The following PCDH15 variants were observed in gnomAD, a reference collection of about 807,000 sequenced individuals.
PCDH15 encodes protocadherin related 15.
A neutral mutation model predicts 178.5 loss-of-function variants in PCDH15; 129 were observed. The observed-to-expected ratio is 0.72, with a 90% CI of 0.63 to 0.84. The LOEUF is 0.84. PCDH15 is among the 40% of genes least tolerant of loss of function. PCDH15 has a pLI of 0.00. For synonymous variants in PCDH15, 800 were observed against 732.0 expected, an observed-to-expected ratio of 1.09 and a Z score of -1.50; for missense variants, 2,230 against 2,099.9, an observed-to-expected ratio of 1.06 and a Z score of -1.21.
intron 8 of PCDH15, among the ~76,000 whole-genome samples, chr10:54,288,975 T>C (rs973583795): frequency 5.3e-5 from 8 of 152,226 alleles, no homozygotes; most frequent in Non-Finnish European, 1.0e-4. Context: ...TTCTGCAGAC[T>C]TAAAAATCCC....
intron 1 of PCDH15, among the ~76,000 whole-genome samples, chr10:55,227,505 G>T (rs984424062): frequency 1.3e-5 from 2 of 148,552 alleles, no homozygotes; most frequent in African/African-American, 5.0e-5. Context: ...AGCAGGCTTA[G>T]AGGGTAGTCA....
intron 2 of PCDH15, among the ~76,000 whole-genome samples, chr10:55,442,474 ATATATAT>A (rs1839214926): frequency 9.9e-6 from 1 of 100,552 alleles, no homozygotes; most frequent in African/African-American, 5.0e-5. Flanking sequence ...TATATATTAT[ATATATAT>A]TATATATATA....
intron 2 of PCDH15, among the ~76,000 whole-genome samples, chr10:55,339,619 T>G (rs2131951888): frequency 6.6e-6 from 1 of 152,148 alleles, no homozygotes; most frequent in East Asian, 1.9e-4. Flanking sequence ...AAAATAACAT[T>G]GAGAAATTAG....
At chr10:54,831,864 C>T (rs1225149791) in intron 3 of PCDH15, among the ~76,000 whole-genome samples, 1 of 152,002 alleles carries the variant, frequency 6.6e-6, no homozygotes, top group African/African-American at 2.4e-5. Flanking sequence ...AAAGACTTTA[C>T]TAAACAGCCT....
intron 3 of PCDH15, among the ~76,000 whole-genome samples, chr10:54,482,598 A>C (rs1589642818): frequency 6.6e-6 from 1 of 151,890 alleles, no homozygotes; most frequent in South Asian, 2.1e-4. Flanking sequence ...GTTCAGGAAA[A>C]GAAGGTACCA....
chr10:55,217,753 A>G (rs1316621632), intron 1 of PCDH15, among the ~76,000 whole-genome samples: 1 of 151,978 alleles, frequency 6.6e-6, no homozygotes, highest in Non-Finnish European at 1.5e-5. Context: ...TAGCCATCAC[A>G]TAAAACACTG....
chr10:55,408,814 AC>A (rs1188208918), intron 2 of PCDH15, among the ~76,000 whole-genome samples: 3 of 151,992 alleles, frequency 2.0e-5, no homozygotes, highest in African/African-American at 7.2e-5. Context: ...CTATCACTTC[AC>A]TAAAGCTCAT....
intron 2 of PCDH15, among the ~76,000 whole-genome samples, chr10:54,556,496 G>C (rs1397046717): frequency 6.6e-6 from 1 of 151,476 alleles, no homozygotes; most frequent in Non-Finnish European, 1.5e-5. Context: ...TGTGTTCAAA[G>C]AAAAATTAGA....
intron 1 of PCDH15, among the ~76,000 whole-genome samples, chr10:54,754,383 T>A (rs1350504507): frequency 3.9e-5 from 6 of 152,144 alleles, no homozygotes; most frequent in Non-Finnish European, 7.4e-5. Flanking sequence ...GATTGAAAGC[T>A]ACATAAAAAA....
At chr10:54,395,207 T>A (rs1951049877) in intron 3 of PCDH15, among the ~76,000 whole-genome samples, 1 of 152,224 alleles carries the variant, frequency 6.6e-6, no homozygotes, top group Admixed American at 6.5e-5. Context: ...TTACAATTTA[T>A]GTTTAGAGAC....
At chr10:55,547,473 G>C (rs1841909524) in intron 2 of PCDH15, among the ~76,000 whole-genome samples, 1 of 152,108 alleles carries the variant, frequency 6.6e-6, no homozygotes, top group Non-Finnish European at 1.5e-5. Flanking sequence ...AGAGGGAAAA[G>C]CTTTGGCAGC....
chr10:55,187,955 C>G (rs1393442729), intron 1 of PCDH15, among the ~76,000 whole-genome samples: 1 of 151,832 alleles, frequency 6.6e-6, no homozygotes, highest in African/African-American at 2.4e-5. Context: ...CAGTCAAGAG[C>G]AGAAGCAGAA....
chr10:55,345,363 T>G (rs1054389952), intron 2 of PCDH15, among the ~76,000 whole-genome samples: 1 of 152,040 alleles, frequency 6.6e-6, no homozygotes, highest in African/African-American at 2.4e-5. Context: ...TGTTTGAGGA[T>G]GCTATATATC....
intron 9 of PCDH15, among the ~76,000 whole-genome samples, chr10:54,225,167 C>A (rs1243574375): frequency 6.6e-6 from 1 of 152,050 alleles, no homozygotes; most frequent in Non-Finnish European, 1.5e-5. Flanking sequence ...AGACCGAGTT[C>A]TTGTCCCAGA....
intron 2 of PCDH15, among the ~76,000 whole-genome samples, chr10:54,629,160 C>T (rs1291746914): frequency 6.6e-6 from 1 of 151,796 alleles, no homozygotes; most frequent in Non-Finnish European, 1.5e-5. Flanking sequence ...AATTTGAGTG[C>T]AAAACTATTA....
chr10:54,365,605 T>C (rs1004230938), intron 5 of PCDH15, among the ~76,000 whole-genome samples: 9 of 152,066 alleles, frequency 5.9e-5, no homozygotes, highest in Non-Finnish European at 1.3e-4. Flanking sequence ...AAAATAAATT[T>C]TGGGGGGTGA....
chr10:54,762,737 TA>T (rs1948047856), intron 1 of PCDH15, among the ~76,000 whole-genome samples: 1 of 152,146 alleles, frequency 6.6e-6, no homozygotes, highest in South Asian at 2.1e-4. Flanking sequence ...ATTGAACATT[TA>T]TGAAATGCTT....
At chr10:53,807,279 A>AACAT (rs1451770329) in intron 37 of PCDH15, 149 bp from the exon 38 acceptor site, 11 of 630,584 alleles carry the variant, frequency 1.7e-5, no homozygotes, top group Admixed American at 1.6e-4. Context: ...AGTCTTTATT[A>AACAT]ACATACATTT....
Position 54,392,400 on chromosome 10 carries a change from A to G in PCDH15, c.158-13458T>C, listed in dbSNP as rs113841493. On this transcript the variant is annotated intron_variant, in intron 3 of 37. Transcript: ENST00000644397. ...AAAATCACTTGAACCCAGGAGGACT[A>G]TGTTGCAGTCAGGCTAGATTGTGCC... Among the ~76,000 whole-genome samples the G allele has an allele frequency of 7.6e-3, 955 of 124,842 alleles. 10 individuals carry two copies. The highest frequency in any genetic ancestry group is 0.026 in the African/African-American group (899 of 34,258). 81.9% of individuals were successfully genotyped at this position (124,842 alleles called of 152,430 possible). A position where few individuals can be genotyped will look rare whatever the true frequency, so the allele number is the denominator to read the frequency against.
Sources: gnomAD v4.1 joint callset for allele counts (sites outside exome capture counted in the v4.1 genomes callset) on GRCh38, gnomAD v4.1.1 for gene constraint, MANE v1.5 for transcripts, NCBI Gene and HGNC (gene_info 2026-07-23, HGNC 2026-07-21) for gene names.